NRXN3: variants seen among roughly 807,000 people sequenced by gnomAD.
NRXN3 encodes the protein neurexin III.
NRXN3 carries 32 observed loss-of-function variants against 137.6 expected under a neutral mutation model. That is an observed-to-expected ratio of 0.23 (90% CI 0.18 to 0.31). The LOEUF (loss-of-function observed/expected upper bound fraction) is 0.31. NRXN3 is among the 10% of genes least tolerant of loss of function. NRXN3 has a pLI of 1.00. For synonymous variants in NRXN3, 798 were observed against 784.5 expected (o/e 1.02, Z -0.29); for missense variants, 1,574 against 2,062.5 (o/e 0.76, Z 4.59).
rs749625015 is a variant in NRXN3 at position 79,131,136 on chromosome 14, GC to G, written c.3262+142996del. Among the ~76,000 whole-genome samples the G allele has an allele frequency of 9.6e-4, 146 of 152,286 alleles. 1 individual carries two copies. Among genetic ancestry groups the G allele is most frequent in the Non-Finnish European group, 9.7e-4 (66 of 68,030 alleles). ...CCTTTGGTTTGAATTTCCTCCCGTA[GC>G]TCAGAGTAATTTGATCGTCTGAAGC... On this transcript the variant is annotated intron_variant, in intron 15 of 20. Transcript: ENST00000335750.
At chr14:79,590,424 A>AG (rs1322284345) in intron 16 of NRXN3, among the ~76,000 whole-genome samples, 2 of 150,500 alleles carry the variant, frequency 1.3e-5, no homozygotes, top group Non-Finnish European at 3.0e-5. Flanking sequence ...GTTAAAAAAA[A>AG]AAAAAAAAAA....
intron 15 of NRXN3, among the ~76,000 whole-genome samples, chr14:79,028,844 G>A (rs1035599029): frequency 3.9e-5 from 6 of 152,098 alleles, no homozygotes; most frequent in Admixed American, 1.3e-4. Context: ...AAGGTACCAT[G>A]AAGGGGTATA....
intron 4 of NRXN3, among the ~76,000 whole-genome samples, chr14:78,581,282 A>G (rs1320480877): frequency 6.6e-6 from 1 of 152,214 alleles, no homozygotes; most frequent in Non-Finnish European, 1.5e-5. Flanking sequence ...TAATTTATAA[A>G]TAATGGAAAC....
At chr14:78,408,096 CT>C (rs1173155264) in intron 4 of NRXN3, among the ~76,000 whole-genome samples, 1 of 152,124 alleles carries the variant, frequency 6.6e-6, no homozygotes, top group African/African-American at 2.4e-5. Context: ...CTGAAGTTAC[CT>C]TATTTCCATC....
chr14:79,029,074 AAG>A (rs946095988), intron 15 of NRXN3, among the ~76,000 whole-genome samples: 5 of 151,964 alleles, frequency 3.3e-5, no homozygotes, highest in Admixed American at 2.0e-4. Flanking sequence ...AATAAAGAAA[AAG>A]AGAGAGAGGA....
chr14:78,357,945 C>A (rs897621929), intron 4 of NRXN3, among the ~76,000 whole-genome samples: 9 of 152,094 alleles, frequency 5.9e-5, no homozygotes, highest in African/African-American at 2.2e-4. Context: ...AGTCTTAGAG[C>A]AAGGTATGGT....
chr14:78,935,265 C>T (rs775659224), intron 10 of NRXN3, among the ~76,000 whole-genome samples: 1 of 152,152 alleles, frequency 6.6e-6, no homozygotes, highest in Non-Finnish European at 1.5e-5. Flanking sequence ...ACTCAAAGGG[C>T]TGTGGATATA....
chr14:78,283,842 G>C (rs1406859970), intron 3 of NRXN3, among the ~76,000 whole-genome samples: 1 of 152,166 alleles, frequency 6.6e-6, no homozygotes, highest in East Asian at 1.9e-4. Flanking sequence ...CACAGGCAGA[G>C]TTGCATAGTT....
chr14:79,860,709 G>A (rs2099412388), intron 20 of NRXN3, among the ~76,000 whole-genome samples: 1 of 152,198 alleles, frequency 6.6e-6, no homozygotes, highest in African/African-American at 2.4e-5. Context: ...TGCCAATTTT[G>A]ATAGCCAGCC....
intron 20 of NRXN3, among the ~76,000 whole-genome samples, chr14:79,849,866 C>T (rs1031571532): frequency 6.6e-6 from 1 of 152,112 alleles, no homozygotes; most frequent in African/African-American, 2.4e-5. Flanking sequence ...TTTCTGAGCA[C>T]CCTCCATGTC....
At chr14:79,664,144 A>G (rs1041143247) in intron 17 of NRXN3, among the ~76,000 whole-genome samples, 195 bp downstream of exon 17, 2 of 152,098 alleles carry the variant, frequency 1.3e-5, no homozygotes, top group African/African-American at 4.8e-5. Flanking sequence ...GACTTTACCA[A>G]CTATGCACTG....
chr14:79,822,126 C>T (rs1270917241), intron 20 of NRXN3, among the ~76,000 whole-genome samples: 1 of 152,060 alleles, frequency 6.6e-6, no homozygotes, highest in Non-Finnish European at 1.5e-5. Context: ...AGTTGTGAAG[C>T]AGTTAGTGGG....
At chr14:78,519,063 A>C (rs573889676) in intron 4 of NRXN3, among the ~76,000 whole-genome samples, 2 of 152,272 alleles carry the variant, frequency 1.3e-5, no homozygotes, top group South Asian at 4.1e-4. Context: ...TCATTCTGCT[A>C]TTCATCAGGA....
At chr14:79,771,202 A>C (rs1186343839) in intron 19 of NRXN3, among the ~76,000 whole-genome samples, 5 of 152,176 alleles carry the variant, frequency 3.3e-5, no homozygotes, top group Admixed American at 1.3e-4. Flanking sequence ...AGGTACAAGG[A>C]GGAACTGGTA....
chr14:79,672,679 C>T (rs1159684309), intron 17 of NRXN3, among the ~76,000 whole-genome samples: 1 of 151,996 alleles, frequency 6.6e-6, no homozygotes, highest in East Asian at 1.9e-4. Flanking sequence ...CAAATTCTGG[C>T]CTGCAGAAGT....
chr14:79,336,231 C>G (rs187678686), intron 15 of NRXN3, among the ~76,000 whole-genome samples: 4 of 152,218 alleles, frequency 2.6e-5, no homozygotes, highest in African/African-American at 9.6e-5. Flanking sequence ...CCAATTATTT[C>G]CCCCCATTCT....
At chr14:79,250,577 G>C (rs1281894391) in intron 15 of NRXN3, among the ~76,000 whole-genome samples, 1 of 152,162 alleles carries the variant, frequency 6.6e-6, no homozygotes, top group Non-Finnish European at 1.5e-5. Context: ...AGAACTCACT[G>C]GTTAGTGGTA....
intron 19 of NRXN3, among the ~76,000 whole-genome samples, chr14:79,740,897 AC>A (rs1290631895): frequency 6.6e-6 from 1 of 150,752 alleles, no homozygotes; most frequent in Non-Finnish European, 1.5e-5. Context: ...CTTAAATGTC[AC>A]CTCACATACT....
At chr14:78,210,720 A>G (rs761611409) in intron 1 of NRXN3, among the ~76,000 whole-genome samples, 6 of 151,910 alleles carry the variant, frequency 3.9e-5, no homozygotes, top group Non-Finnish European at 7.4e-5. Context: ...AGTTTTTGTC[A>G]TTATTTATGG....
Sources: allele counts gnomAD v4.1 joint callset (sites outside exome capture counted in the v4.1 genomes callset), GRCh38; gene constraint gnomAD v4.1.1; transcripts MANE v1.5; gene names NCBI Gene and HGNC (gene_info 2026-07-23, HGNC 2026-07-21).